Variants in ALG9 observed in about 807,000 individuals in gnomAD.
ALG9 encodes ALG9 alpha-1,2-mannosyltransferase.
Under a neutral mutation model 81.8 loss-of-function variants are expected in ALG9, and 55 were observed. The observed-to-expected ratio is 0.67, with a 90% confidence interval of 0.54 to 0.84. ALG9 has a LOEUF of 0.84. Among genes scored for constraint, ALG9 ranks in the 40% least tolerant of loss-of-function variants. The probability of loss-of-function intolerance (pLI) is 0.00; values close to 1 mark genes in which losing one functional copy is unlikely to be tolerated. For missense variants in ALG9, 629 were observed against 745.0 expected (o/e 0.84, Z 1.81); for synonymous variants, 278 against 274.3 (o/e 1.01, Z -0.13).
At chr11:111,780,785 C>G (rs1325497589), downstream of ALG9, among the ~76,000 whole-genome samples, 1 of 152,132 alleles carries the variant, frequency 6.6e-6, no homozygotes, top group Admixed American at 6.6e-5. Context: ...GCTTTTCTTT[C>G]TTCATTGTCA....
In ALG9 at chr11:111,783,435, G is replaced by A. The variant is rs1161261910; in HGVS notation, c.*2962C>T. On this transcript the variant is annotated 3_prime_UTR_variant, in exon 15 of 15. Coordinates refer to ENST00000616540, the MANE Select transcript of ALG9 (RefSeq NM_024740.2). Reference sequence around the variant, plus strand: ...GTCGTGCCATTGTGTTCCAACCTGGGCGACAGAGCAAGACTCTGTCTCGGG... The same window carrying A: ...GTCGTGCCATTGTGTTCCAACCTGGACGACAGAGCAAGACTCTGTCTCGGG... 6.6e-6 allele frequency: 1 copy of A among 152,202 alleles called. No individual in the cohort carries two copies. The highest frequency in any genetic ancestry group is 1.9e-4 in the East Asian group (1 of 5,198). 9.4% of individuals were successfully genotyped at this position (152,202 alleles called of 1,614,324 possible). A position where few individuals can be genotyped will look rare whatever the true frequency, so the allele number is the denominator to read the frequency against.
intron 9 of ALG9, among the ~76,000 whole-genome samples, chr11:111,843,083 C>A (rs1264246307): frequency 8.6e-5 from 13 of 152,014 alleles, no homozygotes; most frequent in African/African-American, 3.1e-4. Context: ...CTGCTCCCAG[C>A]TATCATAAAT....
chr11:111,823,664 A>G (rs782063522), intron 13 of ALG9, among the ~76,000 whole-genome samples: 33 of 152,210 alleles, frequency 2.2e-4, no homozygotes, highest in Non-Finnish European at 4.4e-4. Context: ...CTTCATCTCT[A>G]AGAGCTTTAG....
chr11:111,830,978 C>A (rs1360819893), intron 13 of ALG9, among the ~76,000 whole-genome samples: 2 of 152,096 alleles, frequency 1.3e-5, no homozygotes, highest in African/African-American at 4.8e-5. Context: ...CGAGACCAGC[C>A]TGGGCAAGAC....
At chr11:111,809,593 T>C in intron 14 of ALG9, 50 bp downstream of exon 14, 2 of 1,611,072 alleles carry the variant, frequency 1.2e-6, no homozygotes, top group Non-Finnish European at 1.7e-6. Flanking sequence ...TAGAATCCAA[T>C]TTTTACCCAT....
intron 13 of ALG9, among the ~76,000 whole-genome samples, chr11:111,811,542 C>CAAAA (rs11305937): frequency 2.2e-5 from 2 of 89,020 alleles, no homozygotes; most frequent in Non-Finnish European, 2.3e-5. Flanking sequence ...GACTCTGTCT[C>CAAAA]AAAAAAAAAA....
At chr11:111,868,310 C>G (rs1490879503) in intron 3 of ALG9, among the ~76,000 whole-genome samples, 2 of 152,152 alleles carry the variant, frequency 1.3e-5, no homozygotes, top group African/African-American at 2.4e-5. Flanking sequence ...TACTTTTCCT[C>G]CATAAGACCC....
intron 3 of ALG9, among the ~76,000 whole-genome samples, chr11:111,867,844 A>G (rs1427106670): frequency 1.3e-5 from 2 of 152,108 alleles, no homozygotes; most frequent in Non-Finnish European, 2.9e-5. Context: ...TTTTGATACT[A>G]CTTCCCACTA....
At chr11:111,838,200 A>G (rs782289735) in intron 11 of ALG9, 49 bp downstream of exon 11, 6 of 1,607,358 alleles carry the variant, frequency 3.7e-6, no homozygotes, top group Non-Finnish European at 5.1e-6. Flanking sequence ...GTAAAACCTA[A>G]GAGCAAGTGA....
intron 13 of ALG9, among the ~76,000 whole-genome samples, chr11:111,811,167 T>C (rs1258447788): frequency 6.6e-6 from 1 of 152,196 alleles, no homozygotes; most frequent in Non-Finnish European, 1.5e-5. Flanking sequence ...TGAAATTTTA[T>C]AAAAATATAA....
the ALG9 span, among the ~76,000 whole-genome samples, chr11:111,773,529 C>A: frequency 1.3e-5 from 2 of 151,448 alleles, no homozygotes; most frequent in Non-Finnish European, 2.9e-5. Context: ...ATGGGCGTCA[C>A]AAGGGTAGAT....
Position 111,786,063 on chromosome 11 carries a change from C to A in ALG9, c.*334G>T, listed in dbSNP as rs895732066. ...CCATCCAGTACCAGGATTTTCAATT[C>A]TTCCTGTAAGTTGGTTCTGCTCTTC... On this transcript the variant is annotated 3_prime_UTR_variant, in exon 15 of 15. Transcript: ENST00000616540. The A allele has an allele frequency of 1.1e-5, 5 of 461,022 alleles. No homozygotes were observed. Among genetic ancestry groups the A allele is most frequent in the Non-Finnish European group, 1.7e-5 (4 of 230,108 alleles). 28.6% of individuals were successfully genotyped at this position (461,022 alleles called of 1,614,324 possible).
chr11:111,835,663 A>T (rs1010255177), intron 13 of ALG9, among the ~76,000 whole-genome samples: 1 of 152,246 alleles, frequency 6.6e-6, no homozygotes, highest in African/African-American at 2.4e-5. Context: ...TATACATTTT[A>T]CATAGAAAAT....
At chr11:111,776,597 A>G in the ALG9 span, among the ~76,000 whole-genome samples, 6 of 152,196 alleles carry the variant, frequency 3.9e-5, no homozygotes, top group African/African-American at 1.2e-4. Flanking sequence ...CAAAAAACAA[A>G]AACAAAACAA....
chr11:111,808,198 G>A (rs1177667039), intron 14 of ALG9, among the ~76,000 whole-genome samples: 1 of 152,224 alleles, frequency 6.6e-6, no homozygotes, highest in Admixed American at 6.5e-5. Context: ...CAAGATGAGA[G>A]TGTGGCTCAA....
At position 111,871,472 on chromosome 11, in the gene ALG9, C is replaced by G. The variant is rs28411399; in HGVS notation, c.11G>C (p.Arg4Pro). ...GCCCTTCAGGCGCTGCCGAGCCCCT[C>G]GACTAGCCATGGCAAGCCTGGGGAA... MAS[R>P]GARQRLKGSG... Residue 4 changes from arginine to proline, a missense_variant, in exon 1 of 15, where the codon CGA (arginine) becomes CCA (proline). By Grantham distance (103) the Arg-to-Pro change is moderately radical. Transcript: ENST00000616540. 37 of 1,536,570 alleles carry G rather than the reference C, an allele frequency of 2.4e-5. No individual in the cohort carries two copies. In the East Asian group the frequency reaches 8.8e-4, roughly 37 times the overall value.
rs1555057443 is a variant in ALG9, at chr11:111,782,362, C to T, written c.*4035G>A. The T allele has an allele frequency of 4.6e-5, 7 of 152,542 alleles. No homozygotes were observed. The highest frequency in any genetic ancestry group is 1.0e-4 in the Non-Finnish European group (7 of 68,032). The allele number at this position is 152,542 out of a possible 1,614,324, so 9.4% of individuals were successfully genotyped here. ...CTGATTTCATTTGCAGCATGAATCA[C>T]CTGGTTATACAGACTGGCAGAAGGC... On this transcript the variant is annotated 3_prime_UTR_variant, in exon 15 of 15. Transcript: ENST00000616540.
the ALG9 span, among the ~76,000 whole-genome samples, chr11:111,774,753 C>G: frequency 6.6e-6 from 1 of 152,140 alleles, no homozygotes; most frequent in South Asian, 2.1e-4. Flanking sequence ...ACAAGCAAAC[C>G]TTTTAGTTCT....
At chr11:111,774,553 G>A in the ALG9 span, among the ~76,000 whole-genome samples, 2 of 152,202 alleles carry the variant, frequency 1.3e-5, no homozygotes, top group African/African-American at 2.4e-5. Context: ...GGTGCCTGGG[G>A]AACAGAGATG....
Sources: gnomAD v4.1 joint callset for allele counts (sites outside exome capture counted in the v4.1 genomes callset) on GRCh38, gnomAD v4.1.1 for gene constraint, MANE v1.5 for transcripts, NCBI Gene and HGNC (gene_info 2026-07-23, HGNC 2026-07-21) for gene names.